PXK: variants seen among roughly 807,000 people sequenced by gnomAD.
PXK encodes PX domain-containing protein kinase-like protein.
Under a neutral mutation model 84.7 loss-of-function variants are expected in PXK, and 35 were observed. That is an observed-to-expected ratio of 0.41 (90% CI 0.32 to 0.55). PXK has a LOEUF of 0.55. Ranked by LOEUF, PXK falls within the 20% of genes least tolerant of loss-of-function variation. PXK has a pLI of 0.21. For synonymous variants in PXK, 253 were observed against 260.8 expected (o/e 0.97, Z 0.29); for missense variants, 634 against 699.7 (o/e 0.91, Z 1.06).
intron 1 of PXK, among the ~76,000 whole-genome samples, chr3:58,339,538 G>GT (rs945465429): frequency 7.3e-5 from 11 of 151,404 alleles, no homozygotes; most frequent in African/African-American, 1.2e-4. Context: ...CCAGAAGTTG[G>GT]TTTTTTTTGC....
chr3:58,335,037 GT>G (rs2097568372), intron 1 of PXK, among the ~76,000 whole-genome samples: 1 of 150,096 alleles, frequency 6.7e-6, no homozygotes, highest in African/African-American at 2.5e-5. Context: ...GTGTGTGTGT[GT>G]GTGTGTGTGT....
rs943210512 is a variant in PXK, at chr3:58,426,047, A to G, written c.*1087A>G. ...AACGTGTTGTCTGTAGCTTGACAAGATATTTCAAATGAGAACTTTTTGTAG... is the reference window on the plus strand; with the variant it reads ...AACGTGTTGTCTGTAGCTTGACAAGGTATTTCAAATGAGAACTTTTTGTAG... On this transcript the variant is annotated 3_prime_UTR_variant, in exon 18 of 18. Coordinates refer to ENST00000356151, the MANE Select transcript of PXK (RefSeq NM_017771.5). 5.3e-5 allele frequency: 8 copies of G among 152,210 alleles called. No individual in the cohort carries two copies. The highest frequency in any genetic ancestry group is 1.2e-4 in the Non-Finnish European group (8 of 68,032). The allele number at this position is 152,210 out of a possible 1,614,324, so 9.4% of individuals were successfully genotyped here.
intron 1 of PXK, among the ~76,000 whole-genome samples, chr3:58,347,225 TTCTC>T (rs1461011298): frequency 6.6e-6 from 1 of 152,170 alleles, no homozygotes; most frequent in Non-Finnish European, 1.5e-5. Context: ...AGATAATTCT[TTCTC>T]TCTCTGTTTC....
intron 7 of PXK, among the ~76,000 whole-genome samples, chr3:58,392,570 A>G (rs1362332503): frequency 3.3e-5 from 5 of 152,096 alleles, no homozygotes; most frequent in Admixed American, 1.3e-4. Flanking sequence ...AAACCAAGCT[A>G]TTAATGAGGT....
Position 58,333,100 on chromosome 3 carries a change from C to A in PXK, c.102+10C>A. ...CCTGCAGTCCCACACGGTGCGCGGC[C>A]CAGCGGGCGGGCGGGCGGCGTGGGG... is the stretch of plus-strand genomic sequence containing the variant. On this transcript the variant is annotated intron_variant, in intron 1 of 17. Coordinates refer to ENST00000356151, the MANE Select transcript of PXK (RefSeq NM_017771.5). This position sits in a 1 kb window ranked among gnomAD's most constrained non-coding sequence, Gnocchi z 5.4. The A allele has an allele frequency of 3.4e-6, 4 of 1,164,036 alleles. No individual in the cohort carries two copies. Among genetic ancestry groups the A allele is most frequent in the Non-Finnish European group, 4.3e-6 (4 of 938,534 alleles). The allele number at this position is 1,164,036 out of a possible 1,614,324, so 72.1% of individuals were successfully genotyped here.
Position 58,426,000 on chromosome 3 carries a change from T to A in PXK, c.*1040T>A, listed in dbSNP as rs1489189485. ...GTAATCTGTTATGTCAGCTGTATTT[T>A]TTATTAAAATCATGTCAAGAAAACG... On this transcript the variant is annotated 3_prime_UTR_variant, in exon 18 of 18. Transcript: ENST00000356151. The A allele has an allele frequency of 6.6e-6, 1 of 152,250 alleles. No homozygotes were observed. Among genetic ancestry groups the A allele is most frequent in the African/African-American group, 2.4e-5 (1 of 41,472 alleles). 9.4% of individuals were successfully genotyped at this position (152,250 alleles called of 1,614,324 possible). A position where few individuals can be genotyped will look rare whatever the true frequency, so the allele number is the denominator to read the frequency against.
intron 17 of PXK, 110 bp from the exon 18 acceptor site, chr3:58,424,642 G>A (rs554044296): frequency 6.9e-7 from 1 of 1,445,446 alleles, no homozygotes; most frequent in African/African-American, 1.4e-5. Flanking sequence ...TGGTCCCTCT[G>A]AGAAAAACAT....
chr3:58,425,629 T>C lies in PXK; in HGVS notation c.*669T>C, dbSNP rs1358605312. On this transcript the variant is annotated 3_prime_UTR_variant, in exon 18 of 18. Transcript: ENST00000356151. ...CCATAGTTCTTTTTAGTTAGATGTA[T>C]TGAAACAGACAAAAATATTAACATC... 2.0e-5 allele frequency: 3 copies of C among 152,216 alleles called. No individual in the cohort carries two copies. Among genetic ancestry groups the C allele is most frequent in the Admixed American group, 6.5e-5 (1 of 15,284 alleles). 9.4% of individuals were successfully genotyped at this position (152,216 alleles called of 1,614,324 possible).
intron 3 of PXK, among the ~76,000 whole-genome samples, chr3:58,376,244 A>G (rs1406444069): frequency 6.6e-6 from 1 of 152,024 alleles, no homozygotes; most frequent in Non-Finnish European, 1.5e-5. Context: ...GTGAAACCCC[A>G]TCTCTACTAA....
Position 58,370,033 on chromosome 3 carries a change from C to T in PXK, c.201+555C>T, listed in dbSNP as rs1258663715. Among the ~76,000 whole-genome samples, 2 of 152,158 alleles carry T rather than the reference C, an allele frequency of 1.3e-5. No homozygotes were observed. Among genetic ancestry groups the T allele is most frequent in the East Asian group, 1.9e-4 (1 of 5,188 alleles). On this transcript the variant is annotated intron_variant, in intron 3 of 17. Coordinates refer to ENST00000356151, the MANE Select transcript of PXK (RefSeq NM_017771.5). This position sits in a 1 kb window ranked among gnomAD's most constrained non-coding sequence, Gnocchi z 4.2. Reference sequence around the variant, plus strand: ...ATTGTGCCAGACTGTATTCTTACCACAGTCATAGGAGGCTGACGTAATATC... The same window carrying T: ...ATTGTGCCAGACTGTATTCTTACCATAGTCATAGGAGGCTGACGTAATATC...
intron 1 of PXK, among the ~76,000 whole-genome samples, chr3:58,346,399 G>A: frequency 6.6e-6 from 1 of 152,068 alleles, no homozygotes; most frequent in East Asian, 1.9e-4. Context: ...CAGGGAGAGG[G>A]GAGGAACACA....
chr3:58,352,665 C>A (rs531298593), intron 1 of PXK, among the ~76,000 whole-genome samples: 178 of 152,178 alleles, frequency 1.2e-3, no homozygotes, highest in African/African-American at 4.0e-3. Flanking sequence ...ATTTAAGGGT[C>A]ATTATACTAT....
In PXK at chr3:58,333,060, C is replaced by T. The variant is rs1232147027; in HGVS notation, c.72C>T (p.Ile24=). Residue 24 remains isoleucine, a synonymous_variant, in exon 1 of 18, where the codon ATC becomes ATT. Coordinates refer to ENST00000356151, the MANE Select transcript of PXK (RefSeq NM_017771.5). The surrounding 1 kb of genome is among the most constrained non-coding windows in gnomAD (Gnocchi z 5.4). ...ACACGGTGCCGCTGACAGCAGCCAT[C>T]GAGGCGAGCCAGAGCCTGCAGTCCC... ...LDDTVPLTAA[I]EASQSLQSHT... is the part of the protein sequence containing the mutation. The T allele has an allele frequency of 3.8e-6, 5 of 1,330,458 alleles. No individual in the cohort carries two copies. The Admixed American group carries it at 8.0e-5, about 21-fold the overall frequency. The allele number at this position is 1,330,458 out of a possible 1,614,324, so 82.4% of individuals were successfully genotyped here. A position where few individuals can be genotyped will look rare whatever the true frequency, so the allele number is the denominator to read the frequency against.
chr3:58,392,206 A>G (rs2106914192), intron 7 of PXK, among the ~76,000 whole-genome samples: 1 of 152,202 alleles, frequency 6.6e-6, no homozygotes, highest in African/African-American at 2.4e-5. Flanking sequence ...AGGAATTTAG[A>G]TAAGCTGGGT....
At position 58,421,564 on chromosome 3, in the gene PXK, A is replaced by G; in HGVS notation, c.1529-3188A>G. ...CACTGCACTCCAGCCTGGGCAACAGAGCGAGACTCCATCTCAGAAAAAAAG... is the reference window on the plus strand; with the variant it reads ...CACTGCACTCCAGCCTGGGCAACAGGGCGAGACTCCATCTCAGAAAAAAAG... On this transcript the variant is annotated intron_variant, in intron 17 of 17. Coordinates refer to ENST00000356151, the MANE Select transcript of PXK (RefSeq NM_017771.5). The surrounding 1 kb of genome is among the most constrained non-coding windows in gnomAD (Gnocchi z 5.5). 1 of 980,336 alleles carries G rather than the reference A, an allele frequency of 1.0e-6. No individual in the cohort carries two copies. Among genetic ancestry groups the G allele is most frequent in the African/African-American group, 1.7e-5 (1 of 57,236 alleles). The allele number at this position is 980,336 out of a possible 1,614,324, so 60.7% of individuals were successfully genotyped here. A position where few individuals can be genotyped will look rare whatever the true frequency, so the allele number is the denominator to read the frequency against.
At chr3:58,419,198 A>G (rs1467189275) in intron 17 of PXK, among the ~76,000 whole-genome samples, 1 of 152,118 alleles carries the variant, frequency 6.6e-6, no homozygotes, top group Non-Finnish European at 1.5e-5. Context: ...TATGGGCAGG[A>G]CTCTCTCTGG....
intron 7 of PXK, among the ~76,000 whole-genome samples, chr3:58,394,645 T>TAACACTATTATCCTC (rs2057351751): frequency 6.6e-6 from 1 of 152,188 alleles, no homozygotes; most frequent in South Asian, 2.1e-4. Context: ...GACAGGATAT[T>TAACACTATTATCCTC]AACACTATTA....
In PXK at chr3:58,364,265, T is replaced by C. The variant is rs982565609; in HGVS notation, c.103-1609T>C. Among the ~76,000 whole-genome samples, 18 of 152,182 alleles carry C rather than the reference T, an allele frequency of 1.2e-4. No individual in the cohort carries two copies. Among genetic ancestry groups the C allele is most frequent in the African/African-American group, 3.9e-4 (16 of 41,420 alleles). ...GCTTCATCAAGTGAATTGGGAAGTG[T>C]TCCTTCCTCTTCTGTGTTTTAGAAG... is the stretch of plus-strand genomic sequence containing the variant. On this transcript the variant is annotated intron_variant, in intron 1 of 17. Transcript: ENST00000356151. This position sits in a 1 kb window ranked among gnomAD's most constrained non-coding sequence, Gnocchi z 4.3.
chr3:58,374,816 A>C (rs2098424107), intron 3 of PXK, among the ~76,000 whole-genome samples: 1 of 152,238 alleles, frequency 6.6e-6, no homozygotes, highest in African/African-American at 2.4e-5. Flanking sequence ...TGTCTCTTGA[A>C]TAATCTTTTT....
Sources: gnomAD v4.1 joint callset for allele counts (sites outside exome capture counted in the v4.1 genomes callset) on GRCh38, gnomAD v4.1.1 for gene constraint, Gnocchi (gnomAD v3.1) non-coding constraint, MANE v1.5 for transcripts, NCBI Gene and HGNC (gene_info 2026-07-23, HGNC 2026-07-21) for gene names.